Variants in EFHC2 observed in about 807,000 individuals in gnomAD.
EFHC2 encodes EF-hand domain-containing family member C2.
In EFHC2, 18 loss-of-function variants were observed where a neutral mutation model predicts 52.7. That is an observed-to-expected ratio of 0.34 (90% CI 0.24 to 0.51). The LOEUF is 0.51. Ranked by LOEUF, EFHC2 falls within the 20% of genes least tolerant of loss-of-function variation. EFHC2 has a pLI of 0.97. For missense variants in EFHC2, 513 were observed against 562.5 expected, an observed-to-expected ratio of 0.91 and a Z score of 0.89; for synonymous variants, 203 against 204.1, an observed-to-expected ratio of 0.99 and a Z score of 0.04.
At chrX:44,198,846 G>A (rs2036985354) in intron 11 of EFHC2, among the ~76,000 whole-genome samples, 1 of 111,746 alleles carries the variant, frequency 8.9e-6, no homozygotes, top group Non-Finnish European at 1.9e-5. Context: ...AGCTAGAACT[G>A]TAAAAGGCTG....
intron 11 of EFHC2, among the ~76,000 whole-genome samples, chrX:44,223,448 G>C (rs2037208994): frequency 9.0e-6 from 1 of 110,949 alleles, no homozygotes; most frequent in Non-Finnish European, 1.9e-5. Context: ...CCTTGAGCTT[G>C]TTTCTCCAGC....
intron 1 of EFHC2, among the ~76,000 whole-genome samples, chrX:44,334,061 C>T (rs969297424): frequency 1.8e-5 from 2 of 112,099 alleles, no homozygotes; most frequent in Admixed American, 9.5e-5. Flanking sequence ...AACTGCTACA[C>T]CTCTAAAGTT....
intron 12 of EFHC2, among the ~76,000 whole-genome samples, chrX:44,178,131 A>T (rs868293376): frequency 2.2e-5 from 2 of 91,382 alleles, no homozygotes; most frequent in African/African-American, 9.7e-5. Context: ...ATGCCATATC[A>T]CACACACACA....
At chrX:44,154,773 A>G (rs1220422322) in intron 14 of EFHC2, among the ~76,000 whole-genome samples, 1 of 111,260 alleles carries the variant, frequency 9.0e-6, no homozygotes, top group African/African-American at 3.3e-5. Context: ...GTTTGCTAAT[A>G]TGCCTTTAGT....
intron 11 of EFHC2, among the ~76,000 whole-genome samples, chrX:44,195,777 C>G (rs918403194): frequency 6.8e-5 from 7 of 102,530 alleles, no homozygotes; most frequent in African/African-American, 2.4e-4. Context: ...CTGAGACCAC[C>G]ACTCACCTAC....
intron 11 of EFHC2, among the ~76,000 whole-genome samples, chrX:44,213,510 C>G (rs1435564767): frequency 9.0e-6 from 1 of 111,608 alleles, no homozygotes; most frequent in African/African-American, 3.3e-5. Context: ...CTTGTTTGGT[C>G]TGAAAAGGCA....
intron 11 of EFHC2, among the ~76,000 whole-genome samples, chrX:44,204,978 G>C (rs1475460201): frequency 9.0e-6 from 1 of 111,589 alleles, no homozygotes; most frequent in Non-Finnish European, 1.9e-5. Flanking sequence ...AAAGCAGCTA[G>C]AGAAAAGGGC....
At chrX:44,219,181 A>G (rs1171493960) in intron 11 of EFHC2, among the ~76,000 whole-genome samples, 1 of 108,448 alleles carries the variant, frequency 9.2e-6, no homozygotes, top group Non-Finnish European at 1.9e-5. Context: ...TGAAAAAAAT[A>G]TATATCAGAA....
intron 11 of EFHC2, among the ~76,000 whole-genome samples, chrX:44,201,787 C>T (rs950296013): frequency 1.8e-5 from 2 of 111,961 alleles, no homozygotes; most frequent in African/African-American, 6.5e-5. Context: ...TTCTGAAACT[C>T]ATCTTATGAA....
At chrX:44,238,557 C>T (rs1602169862) in intron 8 of EFHC2, among the ~76,000 whole-genome samples, 2 of 111,264 alleles carry the variant, frequency 1.8e-5, no homozygotes, top group Admixed American at 9.6e-5. Flanking sequence ...GTCCCCCATA[C>T]ACTCTCATCT....
At chrX:44,319,414 G>C (rs763665733) in intron 1 of EFHC2, among the ~76,000 whole-genome samples, 1 of 111,591 alleles carries the variant, frequency 9.0e-6, no homozygotes, top group Admixed American at 9.6e-5. Context: ...CGCTGTCTCT[G>C]CACACAAACA....
chrX:44,168,006 G>C (rs2036710217), intron 13 of EFHC2, among the ~76,000 whole-genome samples: 1 of 111,798 alleles, frequency 8.9e-6, no homozygotes, highest in Non-Finnish European at 1.9e-5. Context: ...CGGTAGAGAA[G>C]AGACGTCAAA....
intron 1 of EFHC2, among the ~76,000 whole-genome samples, chrX:44,339,191 C>CA (rs58180100): frequency 1.7e-4 from 15 of 90,295 alleles, no homozygotes; most frequent in South Asian, 5.1e-4. Flanking sequence ...ACTCCATCTC[C>CA]AAAAAAAAAA....
At chrX:44,215,855 C>T (rs1395135649) in intron 11 of EFHC2, among the ~76,000 whole-genome samples, 5 of 111,089 alleles carry the variant, frequency 4.5e-5, no homozygotes, top group Non-Finnish European at 9.4e-5. Context: ...AGAATCTTGA[C>T]GTGCACACAC....
intron 11 of EFHC2, among the ~76,000 whole-genome samples, chrX:44,190,131 T>G (rs2036908946): frequency 9.0e-6 from 1 of 111,479 alleles, no homozygotes; most frequent in Non-Finnish European, 1.9e-5. Context: ...TTTCAGCATA[T>G]AGAATGTTCA....
chrX:44,164,136 CT>C, intron 13 of EFHC2, 109 bp from the exon 14 acceptor site: 1 of 416,383 alleles, frequency 2.4e-6, no homozygotes, highest in Non-Finnish European at 3.9e-6. Flanking sequence ...GCTTCAATAT[CT>C]GATAGTTTTC....
intron 14 of EFHC2, among the ~76,000 whole-genome samples, chrX:44,152,725 TACAC>T (rs3037406): frequency 0.086 from 8,501 of 99,361 alleles, 846 homozygotes; most frequent in African/African-American, 0.28. Context: ...AGTAAACCAT[TACAC>T]ACACACACAC....
At chrX:44,325,896 C>A (rs1312493264) in intron 1 of EFHC2, among the ~76,000 whole-genome samples, 4 of 96,340 alleles carry the variant, frequency 4.2e-5, no homozygotes, top group African/African-American at 7.6e-5. Context: ...AAGCATTAAA[C>A]TTTTTTTTTT....
chrX:44,339,088 G>A (rs184777030), intron 1 of EFHC2, among the ~76,000 whole-genome samples: 108 of 111,102 alleles, frequency 9.7e-4, no homozygotes, highest in African/African-American at 3.1e-3. Flanking sequence ...CTACTCAGGA[G>A]GCTGAGGCAG....
Sources: allele counts gnomAD v4.1 joint callset (sites outside exome capture counted in the v4.1 genomes callset), GRCh38; gene constraint gnomAD v4.1.1; transcripts MANE v1.5; gene names NCBI Gene and HGNC (gene_info 2026-07-23, HGNC 2026-07-21).